The following MRPL48 variants were observed in gnomAD, a reference collection of about 807,000 sequenced individuals.
The protein encoded by MRPL48 is mitochondrial ribosomal protein L48.
Under a neutral mutation model 32.9 loss-of-function variants are expected in MRPL48, and 16 were observed. That is an observed-to-expected ratio of 0.49 (90% CI 0.33 to 0.74). The LOEUF (loss-of-function observed/expected upper bound fraction) is 0.74. Among genes scored for constraint, MRPL48 ranks in the 30% least tolerant of loss-of-function variants. MRPL48 has a pLI of 0.02. For missense variants in MRPL48, 206 were observed against 245.3 expected (o/e 0.84, Z 1.07); for synonymous variants, 94 against 89.2 (o/e 1.05, Z -0.31).
At chr11:73,796,664 G>C (rs967247472) in intron 1 of MRPL48, among the ~76,000 whole-genome samples, 10 of 152,230 alleles carry the variant, frequency 6.6e-5, no homozygotes, top group African/African-American at 2.4e-4. Flanking sequence ...CTGGGGCTAG[G>C]CTGCCAGTCC....
At chr11:73,806,004 G>A (rs1351038431) in intron 2 of MRPL48, among the ~76,000 whole-genome samples, 1 of 151,888 alleles carries the variant, frequency 6.6e-6, no homozygotes, top group Non-Finnish European at 1.5e-5. Flanking sequence ...AAACCACTAG[G>A]GGCCAGCTCC....
intron 1 of MRPL48, among the ~76,000 whole-genome samples, chr11:73,804,559 C>T (rs1393741930): frequency 3.3e-5 from 5 of 152,044 alleles, no homozygotes; most frequent in East Asian, 1.9e-4. Context: ...CATGAGCCAC[C>T]GCACCTGGCC....
intron 7 of MRPL48, among the ~76,000 whole-genome samples, chr11:73,863,935 A>G (rs1565115698): frequency 6.6e-6 from 1 of 152,312 alleles, no homozygotes; most frequent in East Asian, 1.9e-4. Flanking sequence ...TGTGCTGGTC[A>G]TGCTGCCTTA....
At chr11:73,836,213 G>C (rs1183050603) in intron 4 of MRPL48, among the ~76,000 whole-genome samples, 1 of 152,054 alleles carries the variant, frequency 6.6e-6, no homozygotes, top group Non-Finnish European at 1.5e-5. Flanking sequence ...CTAGCTCCCA[G>C]GTTCAAGCAA....
In MRPL48 at chr11:73,844,902, T is replaced by C. The variant is rs1948260759; in HGVS notation, c.297T>C (p.Asp99=). The C allele has an allele frequency of 1.2e-6, 2 of 1,613,874 alleles. No individual in the cohort carries two copies. The highest frequency in any genetic ancestry group is 1.7e-6 in the Non-Finnish European group (2 of 1,179,820). ...GVLNIHLTAY[D]MTLAESYAQY... The stretch of plus-strand genomic sequence containing the variant: ...TAAATATTCATCTGACTGCATATGA[T>C]ATGACCCTGGCAGAGAGTTATGCCC... The change falls in exon 5 of 8, where the codon GAT becomes GAC. Residue 99 remains aspartate (D), a synonymous_variant. Coordinates refer to ENST00000310614, the MANE Select transcript of MRPL48 (RefSeq NM_016055.6).
chr11:73,844,882 A>T lies in MRPL48; in HGVS notation c.277A>T (p.Ile93Phe). ...AGATTATGAATATGGGGTTTTAAAT[A>T]TTCATCTGACTGCATATGATATGAC... Reference protein sequence around the residue: ...GTDYEYGVLNIHLTAYDMTLA... With the variant: ...GTDYEYGVLNFHLTAYDMTLA... The change falls in exon 5 of 8, where the codon ATT (isoleucine) becomes TTT (phenylalanine). Residue 93 changes from isoleucine (I) to phenylalanine (F), a missense_variant. Physicochemically the swap from Ile to Phe is conservative, Grantham distance 21. Coordinates refer to ENST00000310614, the MANE Select transcript of MRPL48 (RefSeq NM_016055.6). 3.7e-6 allele frequency: 6 copies of T among 1,613,928 alleles called. No homozygotes were observed. Among genetic ancestry groups the T allele is most frequent in the Non-Finnish European group, 5.1e-6 (6 of 1,179,856 alleles).
chr11:73,796,953 G>C (rs189215456), intron 1 of MRPL48, among the ~76,000 whole-genome samples: 1 of 152,234 alleles, frequency 6.6e-6, no homozygotes, highest in Admixed American at 6.5e-5. Flanking sequence ...TGTAATCCCA[G>C]CTACTTAGGA....
intron 3 of MRPL48, chr11:73,817,864 G>A (rs1336414025): frequency 8.1e-6 from 3 of 370,834 alleles, no homozygotes; most frequent in Non-Finnish European, 1.1e-5. Context: ...GAGTACAGTG[G>A]CATGATCATA....
At chr11:73,807,300 C>T (rs1323240707) in intron 2 of MRPL48, among the ~76,000 whole-genome samples, 1 of 152,102 alleles carries the variant, frequency 6.6e-6, no homozygotes, top group East Asian at 1.9e-4. Context: ...TACATCTTCC[C>T]GAACTACTCG....
intron 1 of MRPL48, among the ~76,000 whole-genome samples, chr11:73,800,810 CTTT>C (rs1223951183): frequency 1.5e-5 from 2 of 132,864 alleles, no homozygotes; most frequent in African/African-American, 2.8e-5. Context: ...TTTTCTTTTT[CTTT>C]TTTTTTTTTT....
intron 1 of MRPL48, among the ~76,000 whole-genome samples, chr11:73,790,684 G>A (rs1266656435): frequency 2.7e-5 from 4 of 150,934 alleles, no homozygotes; most frequent in East Asian, 2.0e-4. Flanking sequence ...GTGCCTGGCC[G>A]CTCAGCTAAT....
intron 1 of MRPL48, among the ~76,000 whole-genome samples, chr11:73,800,610 GC>G (rs1439301722): frequency 6.6e-6 from 1 of 152,008 alleles, no homozygotes; most frequent in African/African-American, 2.4e-5. Context: ...TCTTCCACTT[GC>G]AGGGCCAGAG....
chr11:73,823,165 C>T, intron 3 of MRPL48: 1 of 268,986 alleles, frequency 3.7e-6, no homozygotes, highest in Non-Finnish European at 7.6e-6. Flanking sequence ...ATCCCAAAAC[C>T]ACTTCCCCAC....
intron 5 of MRPL48, among the ~76,000 whole-genome samples, chr11:73,858,932 G>A (rs1044720779): frequency 6.6e-6 from 1 of 152,224 alleles, no homozygotes; most frequent in Non-Finnish European, 1.5e-5. Context: ...TATTTTCACT[G>A]CAACACGTAG....
chr11:73,828,259 C>G (rs1221759581), intron 4 of MRPL48, among the ~76,000 whole-genome samples: 1 of 146,886 alleles, frequency 6.8e-6, no homozygotes, highest in Non-Finnish European at 1.5e-5. Context: ...TAGAATCTCT[C>G]TGCCGCACAG....
At chr11:73,808,225 C>A in intron 2 of MRPL48, 88 bp from the exon 3 acceptor site, 1 of 1,299,814 alleles carries the variant, frequency 7.7e-7, no homozygotes, top group South Asian at 1.3e-5. Flanking sequence ...ATTGATGCAT[C>A]TTTAGTGATA....
At chr11:73,857,204 C>T (rs1948496610) in intron 5 of MRPL48, among the ~76,000 whole-genome samples, 2 of 151,944 alleles carry the variant, frequency 1.3e-5, no homozygotes, top group East Asian at 1.9e-4. Flanking sequence ...GATCTTGGCT[C>T]ATTGCAACCT....
chr11:73,798,819 G>A (rs542133465), intron 1 of MRPL48, among the ~76,000 whole-genome samples: 118 of 151,920 alleles, frequency 7.8e-4, no homozygotes, highest in African/African-American at 2.7e-3. Flanking sequence ...GTGAAATCAC[G>A]TCTCTACTAA....
At chr11:73,857,587 CTTTTTTT>C (rs56265503) in intron 5 of MRPL48, among the ~76,000 whole-genome samples, 21 of 88,658 alleles carry the variant, frequency 2.4e-4, no homozygotes, top group Admixed American at 1.9e-3. Context: ...GCCGCATAGA[CTTTTTTT>C]TTTTTTTTTT....
Sources: gnomAD v4.1 joint callset for allele counts (sites outside exome capture counted in the v4.1 genomes callset) on GRCh38, gnomAD v4.1.1 for gene constraint, MANE v1.5 for transcripts, NCBI Gene and HGNC (gene_info 2026-07-23, HGNC 2026-07-21) for gene names.